The following FKBP8 variants were observed in gnomAD, a reference collection of about 807,000 sequenced individuals.
FKBP8 encodes the protein peptidyl-prolyl cis-trans isomerase FKBP8.
Under a neutral mutation model 41.7 loss-of-function variants are expected in FKBP8, and 5 were observed. The observed-to-expected ratio is 0.12, with a 90% CI of 0.06 to 0.25. The LOEUF (loss-of-function observed/expected upper bound fraction) is 0.25. Ranked by LOEUF, FKBP8 falls within the 10% of genes least tolerant of loss-of-function variation. FKBP8 has a pLI of 1.00. For missense variants in FKBP8, 397 were observed against 563.0 expected (o/e 0.71, Z 2.98); for synonymous variants, 279 against 254.5 (o/e 1.10, Z -0.92).
chr19:18,532,111 T>C lies in FKBP8; in HGVS notation c.*58A>G, dbSNP rs1976462057. ...GCAGTGGACAGGGAGCCTGGGGGAG[T>C]TGGGGAGCGCAGGGCAGGGTCCATG... is the stretch of plus-strand genomic sequence containing the variant. On this transcript the variant is annotated 3_prime_UTR_variant, in exon 9 of 9. Coordinates refer to ENST00000608443, the MANE Select transcript of FKBP8 (RefSeq NM_012181.5). 1.4e-6 allele frequency: 2 copies of C among 1,425,610 alleles called. No individual in the cohort carries two copies. The highest frequency in any genetic ancestry group is 2.9e-5 in the African/African-American group (2 of 69,710). 88.3% of individuals were successfully genotyped at this position (1,425,610 alleles called of 1,614,324 possible). A position where few individuals can be genotyped will look rare whatever the true frequency, so the allele number is the denominator to read the frequency against.
At position 18,533,358 on chromosome 19, in the gene FKBP8, A is replaced by G; in HGVS notation, c.946-11T>C. 1 of 1,596,116 alleles carries G rather than the reference A, an allele frequency of 6.3e-7. No individual in the cohort carries two copies. The highest frequency in any genetic ancestry group is 8.5e-7 in the Non-Finnish European group (1 of 1,170,250). On this transcript the variant is annotated splice_polypyrimidine_tract_variant and intron_variant, in intron 6 of 8. Transcript: ENST00000608443. ...CTGCTGGGCCAGCACCTGTAAGGGG[A>G]AGGGGGTGGCATCACTCTGGACCCA... is the stretch of plus-strand genomic sequence containing the variant.
intron 8 of FKBP8, 88 bp downstream of exon 8, chr19:18,532,576 C>T (rs1976473333): frequency 6.5e-7 from 1 of 1,550,090 alleles, no homozygotes. Flanking sequence ...ACGGCCCAGT[C>T]TCCGAGGACA....
chr19:18,532,994 A>G, intron 7 of FKBP8, 199 bp from the exon 8 acceptor site: 1 of 885,770 alleles, frequency 1.1e-6, no homozygotes, highest in Non-Finnish European at 1.7e-6. Flanking sequence ...GCAGAGCACA[A>G]GGTAGCCAGG....
In FKBP8 at chr19:18,539,577, T is replaced by C. The variant is rs1190624475; in HGVS notation, c.436A>G (p.Thr146Ala). 2 of 1,612,856 alleles carry C rather than the reference T, an allele frequency of 1.2e-6. No individual in the cohort carries two copies. The highest frequency in any genetic ancestry group is 1.7e-6 in the Non-Finnish European group (2 of 1,179,966). The change falls in exon 3 of 9, where the codon ACT becomes GCT. Residue 146 changes from threonine (T) to alanine (A), a missense_variant. Transcript: ENST00000608443. ...TGGATGACGTCACAGTCACCCAGAG[T>C]GAACACCAGCTCCGGCTCCTCCTGC... ...RVQEEPELVF[T>A]LGDCDVIQAL...
intron 6 of FKBP8, among the ~76,000 whole-genome samples, chr19:18,535,212 G>A (rs1046353979): frequency 6.6e-6 from 1 of 151,732 alleles, no homozygotes; most frequent in Non-Finnish European, 1.5e-5. Flanking sequence ...GAGCCACCAC[G>A]CCCAGCCCTT....
Position 18,542,819 on chromosome 19 carries a change from G to A in FKBP8, c.-26+667C>T. 2.9e-6 allele frequency: 3 copies of A among 1,034,504 alleles called. No homozygotes were observed. In the South Asian group the frequency reaches 3.9e-5, roughly 14 times the overall value. The allele number at this position is 1,034,504 out of a possible 1,614,324, so 64.1% of individuals were successfully genotyped here. On this transcript the variant is annotated intron_variant, in intron 1 of 8. Transcript: ENST00000608443. ...CAATAACCAACCCCTCCGTCCCCCA[G>A]GCCCCAAGCTCAGAAGAGTGTGGCA...
At chr19:18,539,131 T>A (rs966595841) in intron 4 of FKBP8, among the ~76,000 whole-genome samples, 1 of 152,116 alleles carries the variant, frequency 6.6e-6, no homozygotes, top group Admixed American at 6.6e-5. Context: ...AGCTAATTTT[T>A]AAATTTTTTT....
chr19:18,537,767 A>C lies in FKBP8; in HGVS notation c.779T>G (p.Met260Arg), dbSNP rs1976611648. Residue 260 changes from methionine (M) to arginine (R), a missense_variant, in exon 6 of 9, where the codon ATG becomes AGG. Coordinates refer to ENST00000608443, the MANE Select transcript of FKBP8 (RefSeq NM_012181.5). The surrounding 1 kb of genome is among the most constrained non-coding windows in gnomAD (Gnocchi z 4.4). ...KAITSSAKVDMTFEEEAQLLQ... is the reference protein window; with the variant it reads ...KAITSSAKVDRTFEEEAQLLQ... ...GAGCTGTGCCTCCTCCTCGAACGTC[A>C]TGTCCACTATTGGGAGACAGTGCCC... The C allele has an allele frequency of 6.2e-7, 1 of 1,610,146 alleles. No individual in the cohort carries two copies. Among genetic ancestry groups the C allele is most frequent in the Admixed American group, 1.7e-5 (1 of 59,730 alleles).
intron 1 of FKBP8, chr19:18,542,867 C>A (rs1423515830): frequency 7.8e-7 from 1 of 1,278,344 alleles, no homozygotes; most frequent in Non-Finnish European, 1.0e-6. Flanking sequence ...CAGCCCGCCG[C>A]ATCCCCTCCC....
Position 18,537,546 on chromosome 19 carries a change from C to T in FKBP8, c.945+55G>A. On this transcript the variant is annotated intron_variant, in intron 6 of 8. Transcript: ENST00000608443. This position sits in a 1 kb window ranked among gnomAD's most constrained non-coding sequence, Gnocchi z 4.4. ...CCTTTCTCAAATGCAGGGTTGGGGACCACCCCGTATACCCCAGGCTGAGTG... is the reference window on the plus strand; with the variant it reads ...CCTTTCTCAAATGCAGGGTTGGGGATCACCCCGTATACCCCAGGCTGAGTG... The T allele has an allele frequency of 2.7e-6, 4 of 1,494,710 alleles. No homozygotes were observed. Among genetic ancestry groups the T allele is most frequent in the Non-Finnish European group, 3.6e-6 (4 of 1,117,920 alleles). 92.6% of individuals were successfully genotyped at this position (1,494,710 alleles called of 1,614,324 possible).
chr19:18,536,692 T>C (rs1220381302), intron 6 of FKBP8, among the ~76,000 whole-genome samples: 4 of 152,154 alleles, frequency 2.6e-5, no homozygotes, highest in South Asian at 4.1e-4. Context: ...GCACCTACTA[T>C]GTACCTGGCC....
chr19:18,542,931 T>G (rs1406283501), intron 1 of FKBP8: 40 of 1,201,854 alleles, frequency 3.3e-5, no homozygotes, highest in Non-Finnish European at 3.9e-5. Context: ...TGAGAGACCC[T>G]CCCAGCCCCC....
chr19:18,532,619 G>C, intron 8 of FKBP8, 45 bp downstream of exon 8: 2 of 1,603,816 alleles, frequency 1.2e-6, no homozygotes, highest in Non-Finnish European at 1.7e-6. Flanking sequence ...CCTCTGCTAG[G>C]CGTGCCCTGC....
At chr19:18,541,623 C>A (rs1976701486) in intron 2 of FKBP8, 56 bp downstream of exon 2, 2 of 1,549,044 alleles carry the variant, frequency 1.3e-6, no homozygotes, top group Middle Eastern at 1.8e-4. Flanking sequence ...GGAAATGAGG[C>A]TCAGGGGACG....
At chr19:18,534,791 GTTAT>G (rs1469238377) in intron 6 of FKBP8, among the ~76,000 whole-genome samples, 1 of 150,712 alleles carries the variant, frequency 6.6e-6, no homozygotes, top group Non-Finnish European at 1.5e-5. Flanking sequence ...TATTACTATT[GTTAT>G]TATTATTATT....
At chr19:18,542,338 A>G in intron 1 of FKBP8, 1 of 231,162 alleles carries the variant, frequency 4.3e-6, no homozygotes, top group Non-Finnish European at 8.6e-6. Context: ...AAGGTCACAG[A>G]GAAAGCCAAA....
At chr19:18,533,138 C>A in intron 7 of FKBP8, 132 bp downstream of exon 7, 1 of 847,126 alleles carries the variant, frequency 1.2e-6, no homozygotes, top group Non-Finnish European at 1.8e-6. Flanking sequence ...TGACCAGGAC[C>A]CTTCAGGTAC....
At position 18,541,899 on chromosome 19, in the gene FKBP8, G is replaced by C. The variant is rs933275119; in HGVS notation, c.72C>G (p.Phe24Leu). ...CATCCTCAACCCCATCCAGTACCTC[G>C]AAGTCCTCGAGCGGTGGGACCCCGG... ...LPAGVPPLED[F>L]EVLDGVEDAE... Residue 24 changes from phenylalanine to leucine, a missense_variant, in exon 2 of 9, where the codon TTC becomes TTG. Around this residue, in one of 2 missense-constraint regions of FKBP8, gnomAD observed 172 missense variants for 196.2 expected, o/e 0.88. Transcript: ENST00000608443. 6.2e-7 allele frequency: 1 copy of C among 1,613,882 alleles called. No homozygotes were observed. Among genetic ancestry groups the C allele is most frequent in the Non-Finnish European group, 8.5e-7 (1 of 1,179,970 alleles).
chr19:18,539,666 C>A lies in FKBP8; in HGVS notation c.347G>T (p.Arg116Leu), dbSNP rs776661768. The change falls in exon 3 of 9, where the codon CGC (arginine) becomes CTC (leucine). Residue 116 changes from arginine (R) to leucine (L), a missense_variant. Physicochemically the swap from Arg to Leu is moderately radical, Grantham distance 102. Around this residue, in one of 2 missense-constraint regions of FKBP8, gnomAD observed 172 missense variants for 196.2 expected, o/e 0.88. Transcript: ENST00000608443. ...GGTGACCACCTGGCCCTTGACCGGG[C>A]GGCTCGAACCTGGCGGCCCTGGGAC... ...TLVPGPPGSS[R>L]PVKGQVVTVH... 12 of 1,611,472 alleles carry A rather than the reference C, an allele frequency of 7.4e-6. No individual in the cohort carries two copies. The highest frequency in any genetic ancestry group is 1.0e-5 in the Non-Finnish European group (12 of 1,180,022).
Sources: gnomAD v4.1 joint callset for allele counts (sites outside exome capture counted in the v4.1 genomes callset) on GRCh38, gnomAD v4.1.1 for gene constraint, gnomAD v4.1.1 regional missense constraint, Gnocchi (gnomAD v3.1) non-coding constraint, MANE v1.5 for transcripts, NCBI Gene and HGNC (gene_info 2026-07-23, HGNC 2026-07-21) for gene names.